The following ELAPOR2 variants were observed in gnomAD, a reference collection of about 807,000 sequenced individuals.
ELAPOR2 encodes endosome-lysosome associated apoptosis and autophagy regulator family member 2.
Under a neutral mutation model 120.7 loss-of-function variants are expected in ELAPOR2, and 89 were observed. The observed-to-expected ratio is 0.74, with a 90% CI of 0.62 to 0.88. ELAPOR2 has a LOEUF of 0.88. Among genes scored for constraint, ELAPOR2 ranks in the 40% least tolerant of loss-of-function variants. ELAPOR2 has a pLI of 0.00. For synonymous variants in ELAPOR2, 444 were observed against 444.9 expected (o/e 1.00, Z 0.03); for missense variants, 1,134 against 1,251.6 (o/e 0.91, Z 1.42).
intron 2 of ELAPOR2, among the ~76,000 whole-genome samples, chr7:86,951,309 G>T (rs1231125498): frequency 6.6e-6 from 1 of 152,140 alleles, no homozygotes; most frequent in Non-Finnish European, 1.5e-5. Context: ...ACAGTTTAGT[G>T]TCCAAAATGG....
At chr7:86,979,574 TA>T (rs1211884106) in intron 1 of ELAPOR2, among the ~76,000 whole-genome samples, 5 of 152,224 alleles carry the variant, frequency 3.3e-5, no homozygotes, top group African/African-American at 1.2e-4. Flanking sequence ...GGCAGATGCC[TA>T]AACCCAACTA....
Position 86,947,963 on chromosome 7 carries a change from C to G in ELAPOR2, c.311-41G>C, listed in dbSNP as rs991777244. 5.2e-6 allele frequency: 7 copies of G among 1,357,646 alleles called. No individual in the cohort carries two copies. The African/African-American group carries it at 1.0e-4, about 20-fold the overall frequency. 84.1% of individuals were successfully genotyped at this position (1,357,646 alleles called of 1,614,324 possible). On this transcript the variant is annotated intron_variant, in intron 2 of 21. Coordinates refer to ENST00000450689, the MANE Select transcript of ELAPOR2 (RefSeq NM_001142749.3). Reference sequence around the variant, plus strand: ...ATGGACAACCCATTACTTACCCTCCCATCAATTTCCTCCCCTTCATGCTGT... The same window carrying G: ...ATGGACAACCCATTACTTACCCTCCGATCAATTTCCTCCCCTTCATGCTGT...
At chr7:86,939,463 G>A (rs566469858) in intron 6 of ELAPOR2, among the ~76,000 whole-genome samples, 1 of 152,116 alleles carries the variant, frequency 6.6e-6, no homozygotes, top group Admixed American at 6.6e-5. Flanking sequence ...ATATTAAAAC[G>A]TAAGCCAAAG....
chr7:87,007,266 C>T (rs914121702), intron 1 of ELAPOR2, among the ~76,000 whole-genome samples: 7 of 152,136 alleles, frequency 4.6e-5, no homozygotes, highest in African/African-American at 1.7e-4. Flanking sequence ...TATGGGCCAA[C>T]AATTCTGAAA....
At position 86,932,128 on chromosome 7, in the gene ELAPOR2, G is replaced by A. The variant is rs1039946169; in HGVS notation, c.1090-5212C>T. On this transcript the variant is annotated intron_variant, in intron 8 of 21. Transcript: ENST00000450689. ...AATCAGAGTCTTTTCCGAAGCTTCA[G>A]TCAGTGTTTGTAGTATCAAGAGCTG... Among the ~76,000 whole-genome samples, 3 of 151,902 alleles carry A rather than the reference G, an allele frequency of 2.0e-5. No homozygotes were observed. The East Asian group carries it at 5.8e-4, about 29-fold the overall frequency.
At chr7:86,904,833 T>A (rs892557428) in intron 18 of ELAPOR2, among the ~76,000 whole-genome samples, 1 of 152,186 alleles carries the variant, frequency 6.6e-6, no homozygotes, top group African/African-American at 2.4e-5. Flanking sequence ...TTGCTACTGC[T>A]AAAGTAAACT....
chr7:86,922,012 A>G (rs1006423668), intron 10 of ELAPOR2, among the ~76,000 whole-genome samples: 6 of 152,148 alleles, frequency 3.9e-5, no homozygotes, highest in African/African-American at 1.4e-4. Context: ...ACAGAATATC[A>G]TAATTTTGAC....
At chr7:87,034,838 T>G (rs1220450715) in intron 1 of ELAPOR2, among the ~76,000 whole-genome samples, 1 of 152,162 alleles carries the variant, frequency 6.6e-6, no homozygotes, top group African/African-American at 2.4e-5. Flanking sequence ...ATCCAAGCAC[T>G]TTGGGAGGCC....
At chr7:86,885,061 T>G (rs1380884341) in intron 21 of ELAPOR2, among the ~76,000 whole-genome samples, 1 of 152,290 alleles carries the variant, frequency 6.6e-6, no homozygotes, top group Admixed American at 6.5e-5. Flanking sequence ...CACTAGAGAA[T>G]GAGAAACTGA....
chr7:87,019,721 G>C (rs1793980650), intron 1 of ELAPOR2, among the ~76,000 whole-genome samples: 1 of 152,084 alleles, frequency 6.6e-6, no homozygotes, highest in Non-Finnish European at 1.5e-5. Context: ...ATTTCCATAG[G>C]GAAATTTGGC....
chr7:87,034,122 T>C (rs757082992), intron 1 of ELAPOR2, among the ~76,000 whole-genome samples: 1 of 152,202 alleles, frequency 6.6e-6, no homozygotes, highest in Non-Finnish European at 1.5e-5. Flanking sequence ...TGTAACCATA[T>C]GTGTACACTG....
At chr7:86,899,991 C>A (rs1322624583) in intron 18 of ELAPOR2, among the ~76,000 whole-genome samples, 1 of 151,758 alleles carries the variant, frequency 6.6e-6, no homozygotes, top group Non-Finnish European at 1.5e-5. Context: ...AAAAGCAACT[C>A]AAAATTTTTC....
intron 18 of ELAPOR2, among the ~76,000 whole-genome samples, chr7:86,903,835 G>A (rs753476776): frequency 1.3e-5 from 2 of 152,150 alleles, no homozygotes; most frequent in African/African-American, 4.8e-5. Flanking sequence ...AGAAAAAAAT[G>A]ATTTTCCTCT....
chr7:87,009,703 T>C (rs373680150), intron 1 of ELAPOR2, among the ~76,000 whole-genome samples: 134 of 152,338 alleles, frequency 8.8e-4, no homozygotes, highest in African/African-American at 3.1e-3. Flanking sequence ...ATCCTTTCTC[T>C]GGCTTTCTCA....
intron 1 of ELAPOR2, among the ~76,000 whole-genome samples, chr7:87,034,881 G>A (rs1472900118): frequency 3.3e-5 from 5 of 152,014 alleles, no homozygotes; most frequent in Non-Finnish European, 7.4e-5. Context: ...TCAGGAATTC[G>A]AGACCAACCT....
chr7:87,011,057 A>C (rs1224189190), intron 1 of ELAPOR2, among the ~76,000 whole-genome samples: 1 of 151,862 alleles, frequency 6.6e-6, no homozygotes, highest in Non-Finnish European at 1.5e-5. Flanking sequence ...CATGAGGTCA[A>C]GAGATCGAGA....
intron 1 of ELAPOR2, among the ~76,000 whole-genome samples, chr7:87,023,695 G>A (rs1794141536): frequency 6.6e-6 from 1 of 152,154 alleles, no homozygotes; most frequent in East Asian, 1.9e-4. Context: ...TCCTACCCAT[G>A]AGCATGGAAT....
intron 1 of ELAPOR2, among the ~76,000 whole-genome samples, chr7:87,030,072 C>A (rs1794377090): frequency 6.6e-6 from 1 of 152,104 alleles, no homozygotes; most frequent in Non-Finnish European, 1.5e-5. Flanking sequence ...GGTAAACAAT[C>A]TGATTTTGAA....
At chr7:86,928,653 T>G (rs753231345) in intron 8 of ELAPOR2, among the ~76,000 whole-genome samples, 9 of 151,930 alleles carry the variant, frequency 5.9e-5, no homozygotes, top group Non-Finnish European at 8.8e-5. Context: ...AATGGTAAAG[T>G]AACACCAGTC....
Sources: gnomAD v4.1 joint callset for allele counts (sites outside exome capture counted in the v4.1 genomes callset) on GRCh38, gnomAD v4.1.1 for gene constraint, MANE v1.5 for transcripts, NCBI Gene and HGNC (gene_info 2026-07-23, HGNC 2026-07-21) for gene names.